The following PTPRT variants were observed in gnomAD, a reference collection of about 807,000 sequenced individuals.
PTPRT encodes the protein protein tyrosine phosphatase receptor type T, also known as receptor-type tyrosine-protein phosphatase T.
PTPRT carries 56 observed loss-of-function variants against 176.8 expected under a neutral mutation model. The observed-to-expected ratio is 0.32, with a 90% CI of 0.26 to 0.40. The LOEUF is 0.40. Among genes scored for constraint, PTPRT ranks in the 10% least tolerant of loss-of-function variants. The probability of loss-of-function intolerance (pLI) is 1.00; values close to 1 mark genes in which losing one functional copy is unlikely to be tolerated. For missense variants in PTPRT, 1,540 were observed against 1,908.2 expected (o/e 0.81, Z 3.60); for synonymous variants, 783 against 739.0 (o/e 1.06, Z -0.96).
chr20:42,756,158 T>C (rs1246520098), intron 6 of PTPRT, among the ~76,000 whole-genome samples: 1 of 152,262 alleles, frequency 6.6e-6, no homozygotes, highest in East Asian at 1.9e-4. Flanking sequence ...CATTTGTTCA[T>C]TCTAACTTTA....
At chr20:42,813,521 A>G (rs927995041) in intron 2 of PTPRT, among the ~76,000 whole-genome samples, 1 of 149,934 alleles carries the variant, frequency 6.7e-6, no homozygotes, top group Non-Finnish European at 1.5e-5. Context: ...TAATGTTGCC[A>G]TGACATTTCT....
chr20:42,474,410 G>A (rs1285125995), intron 7 of PTPRT, among the ~76,000 whole-genome samples: 1 of 152,228 alleles, frequency 6.6e-6, no homozygotes, highest in Non-Finnish European at 1.5e-5. Context: ...AACCTGGCAA[G>A]CCCGCACAGA....
At chr20:42,711,276 G>A (rs914264752) in intron 6 of PTPRT, among the ~76,000 whole-genome samples, 1 of 152,162 alleles carries the variant, frequency 6.6e-6, no homozygotes, top group African/African-American at 2.4e-5. Context: ...GGGGTGGAAT[G>A]ATATAGTTTG....
intron 20 of PTPRT, 123 bp from the exon 21 acceptor site, chr20:42,118,623 GT>G: frequency 1.6e-6 from 1 of 644,638 alleles, no homozygotes; most frequent in Non-Finnish European, 2.6e-6. Context: ...GGTGATCCTT[GT>G]TAAGACACCA....
intron 16 of PTPRT, among the ~76,000 whole-genome samples, chr20:42,193,894 T>C (rs1991095844): frequency 6.6e-6 from 1 of 152,242 alleles, no homozygotes; most frequent in Admixed American, 6.5e-5. Context: ...TAGGTTCTTT[T>C]ATTGGATATA....
intron 11 of PTPRT, among the ~76,000 whole-genome samples, chr20:42,320,141 T>C (rs2057779508): frequency 6.6e-6 from 1 of 152,316 alleles, no homozygotes; most frequent in Admixed American, 6.5e-5. Context: ...CCCCAACTAA[T>C]TTCATTCACT....
At chr20:42,731,350 T>C (rs1345439697) in intron 6 of PTPRT, among the ~76,000 whole-genome samples, 1 of 152,228 alleles carries the variant, frequency 6.6e-6, no homozygotes, top group East Asian at 1.9e-4. Flanking sequence ...TTCCTCCTTG[T>C]GCTAAATGCT....
At chr20:42,419,745 T>C (rs894592479) in intron 9 of PTPRT, among the ~76,000 whole-genome samples, 4 of 152,194 alleles carry the variant, frequency 2.6e-5, no homozygotes, top group Non-Finnish European at 4.4e-5. Flanking sequence ...AGACCTTCTG[T>C]ACCTGTGAAG....
Position 42,379,637 on chromosome 20 carries a change from G to A in PTPRT, c.1561-27352C>T, listed in dbSNP as rs2058681385. On this transcript the variant is annotated intron_variant, in intron 9 of 30. Transcript: ENST00000373187. ...TATATGCCAGGTACCTCCTTTCTCG[G>A]CCTTGGCCCTGGCCGGGTGATTGGG... 2.0e-5 allele frequency among the ~76,000 whole-genome samples: 3 copies of A among 152,228 alleles called. No homozygotes were observed. In the South Asian group the frequency reaches 6.2e-4, roughly 31 times the overall value.
chr20:42,342,454 C>T (rs892810931), intron 11 of PTPRT, among the ~76,000 whole-genome samples: 12 of 152,078 alleles, frequency 7.9e-5, no homozygotes, highest in Non-Finnish European at 1.6e-4. Context: ...AAAGTGGGAC[C>T]CATAGCATTC....
At chr20:42,322,368 G>C (rs940029666) in intron 11 of PTPRT, among the ~76,000 whole-genome samples, 45 of 147,090 alleles carry the variant, frequency 3.1e-4, no homozygotes, top group African/African-American at 1.1e-3. Flanking sequence ...TATACTACAA[G>C]GCTACAGTAA....
At chr20:42,450,681 G>C (rs936944587) in intron 8 of PTPRT, among the ~76,000 whole-genome samples, 2 of 152,036 alleles carry the variant, frequency 1.3e-5, no homozygotes, top group African/African-American at 4.8e-5. Context: ...CTTTTAATTA[G>C]TCAGGTATCC....
intron 7 of PTPRT, among the ~76,000 whole-genome samples, chr20:42,622,834 G>T: frequency 6.6e-6 from 1 of 152,170 alleles, no homozygotes; most frequent in East Asian, 1.9e-4. Context: ...TTTGAAGAAG[G>T]CAGTTCCCGG....
intron 9 of PTPRT, among the ~76,000 whole-genome samples, chr20:42,373,208 C>A (rs550619773): frequency 6.6e-6 from 1 of 152,154 alleles, no homozygotes; most frequent in African/African-American, 2.4e-5. Flanking sequence ...GAGACAGGCT[C>A]AGAGAGGGTG....
At chr20:42,172,262 G>A (rs1990109918) in intron 16 of PTPRT, among the ~76,000 whole-genome samples, 1 of 151,988 alleles carries the variant, frequency 6.6e-6, no homozygotes, top group African/African-American at 2.4e-5. Flanking sequence ...AGATACAGCA[G>A]AGGAGCTGAA....
intron 1 of PTPRT, among the ~76,000 whole-genome samples, chr20:43,014,875 T>A (rs887874767): frequency 6.6e-6 from 1 of 152,154 alleles, no homozygotes; most frequent in Non-Finnish European, 1.5e-5. Context: ...GGGGCCTAGA[T>A]AAGCATTTTA....
intron 1 of PTPRT, among the ~76,000 whole-genome samples, chr20:42,935,861 T>C (rs1224592609): frequency 6.6e-6 from 1 of 152,184 alleles, no homozygotes; most frequent in Non-Finnish European, 1.5e-5. Flanking sequence ...GTAATTCTCC[T>C]GCCTCAGCCT....
chr20:43,011,561 A>T (rs571496991), intron 1 of PTPRT, among the ~76,000 whole-genome samples: 2 of 152,278 alleles, frequency 1.3e-5, no homozygotes, highest in South Asian at 2.1e-4. Flanking sequence ...TGTTGCTCCT[A>T]CCTGGACTGA....
rs1555843282 is a variant in PTPRT at position 42,404,987 on chromosome 20, T to TATATATATATATATATATATATATATAC, written c.1560+43232_1560+43233insGTATATATATATATATATATATATATAT. Among the ~76,000 whole-genome samples the TATATATATATATATATATATATATATAC allele has an allele frequency of 1.0e-3, 139 of 135,816 alleles. 1 individual carries two copies. The highest frequency in any genetic ancestry group is 3.5e-3 in the African/African-American group (128 of 36,780). The allele number at this position is 135,816 out of a possible 152,430, so 89.1% of individuals were successfully genotyped here. A position where few individuals can be genotyped will look rare whatever the true frequency, so the allele number is the denominator to read the frequency against. Reference sequence around the variant, plus strand: ...GGCCAATTAATTATATATATATATATACACACACACACAAATATATAACAT... The same window carrying TATATATATATATATATATATATATATAC: ...GGCCAATTAATTATATATATATATATATATATATATATATATATATATATATACACACACACACACAAATATATAACAT... On this transcript the variant is annotated intron_variant, in intron 9 of 30. Coordinates refer to ENST00000373187, the MANE Select transcript of PTPRT (RefSeq NM_007050.6).
Sources: gnomAD v4.1 joint callset for allele counts (sites outside exome capture counted in the v4.1 genomes callset) on GRCh38, gnomAD v4.1.1 for gene constraint, MANE v1.5 for transcripts, NCBI Gene and HGNC (gene_info 2026-07-23, HGNC 2026-07-21) for gene names.